SGCZ: variants seen among roughly 807,000 people sequenced by gnomAD.
SGCZ encodes the protein sarcoglycan zeta, also known as zeta-sarcoglycan.
A neutral mutation model predicts 41.3 loss-of-function variants in SGCZ; 40 were observed. That is an observed-to-expected ratio of 0.97 (90% CI 0.75 to 1.26). The LOEUF (loss-of-function observed/expected upper bound fraction) is 1.26. Among genes scored for constraint, SGCZ ranks in the 50% most tolerant of loss-of-function variants. SGCZ has a pLI of 0.00. For missense variants in SGCZ, 552 were observed against 369.8 expected (o/e 1.49, Z -4.04); for synonymous variants, 206 against 137.5 (o/e 1.50, Z -3.49).
chr8:14,637,745 T>C (rs533653751), intron 1 of SGCZ, among the ~76,000 whole-genome samples: 1 of 151,992 alleles, frequency 6.6e-6, no homozygotes, highest in East Asian at 1.9e-4. Flanking sequence ...CAGTTGATTT[T>C]ATGTTTTTGC....
chr8:14,648,180 A>G (rs908971351), intron 1 of SGCZ, among the ~76,000 whole-genome samples: 6 of 152,128 alleles, frequency 3.9e-5, no homozygotes, highest in African/African-American at 1.4e-4. Flanking sequence ...CATATTTAAA[A>G]AATCATAATA....
intron 5 of SGCZ, among the ~76,000 whole-genome samples, chr8:14,145,005 T>C (rs1412024595): frequency 2.0e-5 from 3 of 152,122 alleles, no homozygotes; most frequent in African/African-American, 7.2e-5. Context: ...TTAACTCTAG[T>C]CCTAACTCCC....
intron 4 of SGCZ, among the ~76,000 whole-genome samples, chr8:14,221,985 G>A (rs1169294388): frequency 6.6e-6 from 1 of 151,824 alleles, no homozygotes; most frequent in Non-Finnish European, 1.5e-5. Flanking sequence ...AAGTGGAAGT[G>A]GGGTCTCAAA....
At chr8:14,137,215 AT>A (rs1803226406) in intron 5 of SGCZ, among the ~76,000 whole-genome samples, 1 of 152,230 alleles carries the variant, frequency 6.6e-6, no homozygotes, top group East Asian at 1.9e-4. Context: ...AACTACAAAG[AT>A]GGGGAGAAAC....
chr8:14,876,744 A>G (rs891238030), intron 1 of SGCZ, among the ~76,000 whole-genome samples: 7 of 152,188 alleles, frequency 4.6e-5, no homozygotes, highest in African/African-American at 1.7e-4. Flanking sequence ...GAATTAAGAG[A>G]GAGGCAAGAG....
chr8:15,095,875 C>T (rs1488692495), intron 1 of SGCZ, among the ~76,000 whole-genome samples: 1 of 152,110 alleles, frequency 6.6e-6, no homozygotes, highest in Non-Finnish European at 1.5e-5. Flanking sequence ...AGTTCCACTC[C>T]TTCCTAAATC....
At chr8:15,044,980 T>A (rs1443895730) in intron 1 of SGCZ, among the ~76,000 whole-genome samples, 1 of 152,138 alleles carries the variant, frequency 6.6e-6, no homozygotes, top group Non-Finnish European at 1.5e-5. Context: ...CTCATTAAAA[T>A]CATTTTGGTT....
At chr8:15,057,500 C>A (rs921644664) in intron 1 of SGCZ, among the ~76,000 whole-genome samples, 33 of 152,150 alleles carry the variant, frequency 2.2e-4, no homozygotes, top group African/African-American at 8.0e-4. Flanking sequence ...TACCAGGTCA[C>A]ATAATTTATC....
intron 2 of SGCZ, among the ~76,000 whole-genome samples, chr8:14,335,059 G>A (rs138535650): frequency 5.3e-5 from 8 of 152,238 alleles, no homozygotes; most frequent in Non-Finnish European, 7.4e-5. Flanking sequence ...TGAAGACACA[G>A]ATGAGCAAGT....
chr8:14,403,496 TG>T (rs1469995841), intron 2 of SGCZ, among the ~76,000 whole-genome samples: 1 of 152,004 alleles, frequency 6.6e-6, no homozygotes, highest in Non-Finnish European at 1.5e-5. Context: ...GTTTTTAGCA[TG>T]AAGGTTGTTG....
At chr8:14,298,548 A>G (rs1407110085) in intron 3 of SGCZ, among the ~76,000 whole-genome samples, 2 of 152,140 alleles carry the variant, frequency 1.3e-5, no homozygotes, top group Admixed American at 1.3e-4. Context: ...ATTGGTAACT[A>G]AAAGTGAGCA....
At chr8:14,695,742 C>T (rs1400216851) in intron 1 of SGCZ, among the ~76,000 whole-genome samples, 1 of 151,794 alleles carries the variant, frequency 6.6e-6, no homozygotes, top group Non-Finnish European at 1.5e-5. Context: ...TTCAAAGATG[C>T]ATGCATATCT....
chr8:15,113,200 C>T (rs897154424), intron 1 of SGCZ, among the ~76,000 whole-genome samples: 1 of 119,552 alleles, frequency 8.4e-6, no homozygotes, highest in Non-Finnish European at 1.7e-5. Context: ...GAGAGCGAGA[C>T]CTGGCTCAAA....
At chr8:14,251,094 G>A (rs1585280735) in intron 3 of SGCZ, among the ~76,000 whole-genome samples, 1 of 152,036 alleles carries the variant, frequency 6.6e-6, no homozygotes, top group Admixed American at 6.6e-5. Flanking sequence ...CGGGTGCAGT[G>A]GTACGCACCT....
chr8:14,703,988 G>A (rs894741287), intron 1 of SGCZ, among the ~76,000 whole-genome samples: 1 of 152,092 alleles, frequency 6.6e-6, no homozygotes, highest in South Asian at 2.1e-4. Flanking sequence ...TTTAATAATT[G>A]TGATTCTTTC....
intron 3 of SGCZ, among the ~76,000 whole-genome samples, chr8:14,249,227 G>C (rs1799204031): frequency 6.6e-6 from 1 of 152,116 alleles, no homozygotes; most frequent in Non-Finnish European, 1.5e-5. Flanking sequence ...CTTCAAGCTG[G>C]GACATGAGTC....
intron 4 of SGCZ, among the ~76,000 whole-genome samples, chr8:14,217,242 G>C (rs1472371209): frequency 1.4e-5 from 2 of 143,324 alleles, no homozygotes; most frequent in East Asian, 4.2e-4. Flanking sequence ...GTTGCAGTGA[G>C]CCGAGATTGC....
intron 3 of SGCZ, among the ~76,000 whole-genome samples, chr8:14,266,413 C>G (rs1256827131): frequency 6.6e-6 from 1 of 151,970 alleles, no homozygotes; most frequent in African/African-American, 2.4e-5. Flanking sequence ...CTAATATGAA[C>G]AGGCATATTA....
At position 15,236,181 on chromosome 8, in the gene SGCZ, C is replaced by G. The variant is rs541759288; in HGVS notation, c.39+1404G>C. Reference sequence around the variant, plus strand: ...GTCTTCTCACTGTCCTCCCTCCGTCCTGGACTGCATCTACAGTCAGTGGCA... The same window carrying G: ...GTCTTCTCACTGTCCTCCCTCCGTCGTGGACTGCATCTACAGTCAGTGGCA... On this transcript the variant is annotated intron_variant, in intron 1 of 7. Transcript: ENST00000382080. 3.9e-5 allele frequency among the ~76,000 whole-genome samples: 6 copies of G among 152,314 alleles called. No individual in the cohort carries two copies. In the South Asian group the frequency reaches 1.0e-3, roughly 26 times the overall value.
Sources: gnomAD v4.1 joint callset for allele counts (sites outside exome capture counted in the v4.1 genomes callset) on GRCh38, gnomAD v4.1.1 for gene constraint, MANE v1.5 for transcripts, NCBI Gene and HGNC (gene_info 2026-07-23, HGNC 2026-07-21) for gene names.